The following KCNIP4 variants were observed in gnomAD, a reference collection of about 807,000 sequenced individuals.
KCNIP4 encodes Kv channel-interacting protein 4.
KCNIP4 carries 12 observed loss-of-function variants against 34.0 expected under a neutral mutation model. The ratio of observed to expected loss-of-function variants is 0.35; its 90% confidence interval spans 0.23 to 0.57. KCNIP4 has a LOEUF of 0.57. Among genes scored for constraint, KCNIP4 ranks in the 20% least tolerant of loss-of-function variants. The pLI, the probability that KCNIP4 is intolerant of heterozygous loss-of-function variation, is 0.83. For synonymous variants in KCNIP4, 124 were observed against 102.2 expected (o/e 1.21, Z -1.29); for missense variants, 238 against 311.7 (o/e 0.76, Z 1.78).
At chr4:21,501,968 T>TTCTCTC (rs149680713) in intron 1 of KCNIP4, among the ~76,000 whole-genome samples, 6 of 144,890 alleles carry the variant, frequency 4.1e-5, no homozygotes, top group Non-Finnish European at 9.0e-5. Context: ...AGGGAGAATT[T>TTCTCTC]TCTCTCTCTC....
At chr4:20,872,113 T>G (rs1033537851) in intron 2 of KCNIP4, among the ~76,000 whole-genome samples, 10 of 152,146 alleles carry the variant, frequency 6.6e-5, no homozygotes, top group African/African-American at 2.4e-4. Context: ...CCTAAAGCAT[T>G]AGTTTCACAC....
intron 1 of KCNIP4, among the ~76,000 whole-genome samples, chr4:21,416,500 G>A (rs1724965519): frequency 1.3e-5 from 2 of 152,158 alleles, no homozygotes; most frequent in South Asian, 4.1e-4. Flanking sequence ...GCAAGCCACT[G>A]AGAACAAAGG....
chr4:21,937,432 GCCT>G, intron 1 of KCNIP4, among the ~76,000 whole-genome samples: 1 of 151,926 alleles, frequency 6.6e-6, no homozygotes, highest in African/African-American at 2.4e-5. Flanking sequence ...TAATGGGACC[GCCT>G]CCTCATGATA....
chr4:20,834,014 A>T (rs1316694214), intron 3 of KCNIP4, among the ~76,000 whole-genome samples: 1 of 152,210 alleles, frequency 6.6e-6, no homozygotes, highest in Admixed American at 6.5e-5. Flanking sequence ...AGATCTCGGG[A>T]TCCAAGAATA....
intron 1 of KCNIP4, among the ~76,000 whole-genome samples, chr4:21,274,457 C>T (rs901113): frequency 0.26 from 40,052 of 152,000 alleles, 5,419 homozygotes; most frequent in South Asian, 0.36. Flanking sequence ...TTAAAACCAA[C>T]GGAGCTAAGA....
chr4:21,150,649 G>T (rs1360886351), intron 1 of KCNIP4, among the ~76,000 whole-genome samples: 1 of 152,194 alleles, frequency 6.6e-6, no homozygotes, highest in Admixed American at 6.5e-5. Flanking sequence ...AAGACCATTT[G>T]TGAGTATAAA....
chr4:21,415,857 G>A (rs974362134), intron 1 of KCNIP4, among the ~76,000 whole-genome samples: 3 of 152,198 alleles, frequency 2.0e-5, no homozygotes, highest in African/African-American at 7.2e-5. Context: ...CCAGGCTGGA[G>A]AGAGGCTGGA....
At chr4:20,925,676 C>T (rs1276537477) in intron 1 of KCNIP4, among the ~76,000 whole-genome samples, 1 of 152,154 alleles carries the variant, frequency 6.6e-6, no homozygotes, top group Non-Finnish European at 1.5e-5. Context: ...GGGCAACATC[C>T]AAGAACCCTC....
intron 2 of KCNIP4, among the ~76,000 whole-genome samples, chr4:20,864,416 C>T (rs1214518912): frequency 6.6e-6 from 1 of 150,810 alleles, no homozygotes; most frequent in Non-Finnish European, 1.5e-5. Context: ...CATATATATA[C>T]ATACACTCAT....
At chr4:21,498,995 T>A (rs1177908087) in intron 1 of KCNIP4, among the ~76,000 whole-genome samples, 1 of 152,202 alleles carries the variant, frequency 6.6e-6, no homozygotes, top group Non-Finnish European at 1.5e-5. Context: ...TCTTTGCTAT[T>A]TATGTACTAA....
intron 1 of KCNIP4, among the ~76,000 whole-genome samples, chr4:21,274,458 G>A (rs751008741): frequency 5.3e-5 from 8 of 152,070 alleles, no homozygotes; most frequent in Non-Finnish European, 1.0e-4. Context: ...TAAAACCAAC[G>A]GAGCTAAGAG....
intron 1 of KCNIP4, among the ~76,000 whole-genome samples, chr4:21,224,833 C>T (rs1758256186): frequency 6.6e-6 from 1 of 151,990 alleles, no homozygotes; most frequent in African/African-American, 2.4e-5. Context: ...ATGATCCACC[C>T]TCCTTGGCCT....
intron 1 of KCNIP4, among the ~76,000 whole-genome samples, chr4:21,048,239 C>T (rs963492833): frequency 6.6e-6 from 1 of 152,136 alleles, no homozygotes; most frequent in East Asian, 1.9e-4. Flanking sequence ...TTCCTTATAG[C>T]CTGATATGCA....
At chr4:21,324,075 G>A (rs1714779954) in intron 1 of KCNIP4, among the ~76,000 whole-genome samples, 1 of 151,752 alleles carries the variant, frequency 6.6e-6, no homozygotes, top group African/African-American at 2.4e-5. Flanking sequence ...CAAATCTTTT[G>A]CCCACTTTTA....
intron 1 of KCNIP4, among the ~76,000 whole-genome samples, chr4:21,657,680 G>T (rs1173156554): frequency 1.3e-5 from 2 of 152,162 alleles, no homozygotes; most frequent in African/African-American, 4.8e-5. Context: ...GACTCTGAAT[G>T]AGGCTCTTTC....
At position 21,234,427 on chromosome 4, in the gene KCNIP4, T is replaced by C. The variant is rs1560199413; in HGVS notation, c.62-351718A>G. On this transcript the variant is annotated intron_variant, in intron 1 of 8. Transcript: ENST00000382152. Reference sequence around the variant, plus strand: ...ATTATATAACATATACTATATATATTACATATAACGTATATAATATATATT... The same window carrying C: ...ATTATATAACATATACTATATATATCACATATAACGTATATAATATATATT... 3.7e-4 allele frequency among the ~76,000 whole-genome samples: 48 copies of C among 128,780 alleles called. 14 individuals are homozygous for C. Among genetic ancestry groups the C allele is most frequent in the Middle Eastern group, 4.7e-3 (1 of 214 alleles). The allele number at this position is 128,780 out of a possible 152,430, so 84.5% of individuals were successfully genotyped here.
chr4:21,237,815 T>C (rs538856065), intron 1 of KCNIP4, among the ~76,000 whole-genome samples: 1 of 152,330 alleles, frequency 6.6e-6, no homozygotes, highest in Non-Finnish European at 1.5e-5. Flanking sequence ...GAGGAGCTGT[T>C]ATCATTCCTT....
In KCNIP4 at chr4:21,449,636, G is replaced by GTATA. The variant is rs200001446; in HGVS notation, c.61+498931_61+498934dup. On this transcript the variant is annotated intron_variant, in intron 1 of 8. Transcript: ENST00000382152. ...TAAGAATAAGAAAACTTATATATAT[G>GTATA]TATATATATATATATACTACTTTTT... Among the ~76,000 whole-genome samples the GTATA allele has an allele frequency of 1.4e-3, 205 of 147,472 alleles. 2 individuals are homozygous for GTATA. The highest frequency in any genetic ancestry group is 7.1e-3 in the Middle Eastern group (2 of 282).
intron 1 of KCNIP4, among the ~76,000 whole-genome samples, chr4:21,582,886 A>G (rs1282837593): frequency 6.6e-6 from 1 of 151,894 alleles, no homozygotes; most frequent in East Asian, 1.9e-4. Flanking sequence ...ATGAGAAGAA[A>G]GAGGATCAAA....
Sources: gnomAD v4.1 joint callset for allele counts (sites outside exome capture counted in the v4.1 genomes callset) on GRCh38, gnomAD v4.1.1 for gene constraint, MANE v1.5 for transcripts, NCBI Gene and HGNC (gene_info 2026-07-23, HGNC 2026-07-21) for gene names.